Variants in LRBA observed in about 807,000 individuals in gnomAD.
LRBA encodes LPS responsive beige-like anchor protein, also known as lipopolysaccharide-responsive and beige-like anchor protein.
LRBA carries 176 observed loss-of-function variants against 330.0 expected under a neutral mutation model. The observed-to-expected ratio is 0.53, with a 90% CI of 0.47 to 0.60. The LOEUF (loss-of-function observed/expected upper bound fraction) is 0.60. Ranked by LOEUF, LRBA falls within the 20% of genes least tolerant of loss-of-function variation. The pLI, the probability that LRBA is intolerant of heterozygous loss-of-function variation, is 0.00. For missense variants in LRBA, 3,259 were observed against 3,444.8 expected (o/e 0.95, Z 1.35); for synonymous variants, 1,230 against 1,193.0 (o/e 1.03, Z -0.64).
chr4:150,285,885 G>C, intron 54 of LRBA, 48 bp downstream of exon 54: 1 of 1,240,656 alleles, frequency 8.1e-7, no homozygotes, highest in South Asian at 1.7e-5. Flanking sequence ...TTTGTTTCTA[G>C]AAGACAGCAA....
At chr4:150,810,154 T>G (rs749235330) in intron 31 of LRBA, among the ~76,000 whole-genome samples, 1 of 152,130 alleles carries the variant, frequency 6.6e-6, no homozygotes, top group Non-Finnish European at 1.5e-5. Flanking sequence ...TGCTTGGTTT[T>G]TAGGCAGTAC....
chr4:150,586,422 C>T (rs1772117299), intron 40 of LRBA, among the ~76,000 whole-genome samples: 1 of 152,134 alleles, frequency 6.6e-6, no homozygotes, highest in African/African-American at 2.4e-5. Flanking sequence ...AGGAAAAACA[C>T]TGCAGGAACA....
intron 47 of LRBA, among the ~76,000 whole-genome samples, chr4:150,379,991 C>T (rs1026948069): frequency 7.5e-6 from 1 of 133,578 alleles, no homozygotes; most frequent in African/African-American, 2.8e-5. Context: ...GGAGAAACCC[C>T]ATTTCTACTA....
At chr4:150,753,936 G>A (rs530557127) in intron 35 of LRBA, among the ~76,000 whole-genome samples, 58 of 151,858 alleles carry the variant, frequency 3.8e-4, no homozygotes, top group African/African-American at 1.3e-3. Flanking sequence ...GTGTGGTGGC[G>A]AGCACCTGTA....
chr4:150,963,921 T>A (rs1279564663), intron 2 of LRBA, among the ~76,000 whole-genome samples: 1 of 145,164 alleles, frequency 6.9e-6, no homozygotes, highest in African/African-American at 2.8e-5. Flanking sequence ...CCGCCCCGTC[T>A]GGGATGTGAA....
chr4:150,413,712 G>A (rs1164184294), intron 47 of LRBA, among the ~76,000 whole-genome samples: 1 of 152,094 alleles, frequency 6.6e-6, no homozygotes, highest in Admixed American at 6.5e-5. Context: ...TTACATAACT[G>A]TATACACTTA....
chr4:150,698,064 T>C (rs1784796544), intron 36 of LRBA, among the ~76,000 whole-genome samples: 1 of 152,164 alleles, frequency 6.6e-6, no homozygotes, highest in Non-Finnish European at 1.5e-5. Context: ...AATACTTGCT[T>C]TGCAAAATAA....
intron 40 of LRBA, among the ~76,000 whole-genome samples, chr4:150,529,908 T>C (rs1388512140): frequency 6.6e-6 from 1 of 151,836 alleles, no homozygotes; most frequent in Admixed American, 6.5e-5. Flanking sequence ...TTGATCTTCT[T>C]CTATCTATTT....
Position 150,852,457 on chromosome 4 carries a change from G to C in LRBA, c.3253C>G (p.Pro1085Ala). 1.9e-6 allele frequency: 3 copies of C among 1,613,512 alleles called. No homozygotes were observed. The highest frequency in any genetic ancestry group is 2.5e-6 in the Non-Finnish European group (3 of 1,179,980). ...VSEVTASISS[P>A]SEEDASEMPE... is the part of the protein sequence containing the mutation. ...ATCTCTGAGGCATCCTCTTCTGAAG[G>C]AGAACTTATAGAAGCAGTTACTTCA... Residue 1085 changes from proline to alanine, a missense_variant, in exon 23 of 57, where the codon CCT (proline) becomes GCT (alanine). Coordinates refer to ENST00000651943, the MANE Select transcript of LRBA (RefSeq NM_001364905.1).
intron 2 of LRBA, among the ~76,000 whole-genome samples, chr4:150,982,650 T>A (rs1740981525): frequency 6.6e-6 from 1 of 150,964 alleles, no homozygotes; most frequent in South Asian, 2.1e-4. Flanking sequence ...GTTTCTCTTG[T>A]AATTTGCATT....
chr4:150,944,574 A>G (rs1375277118), intron 2 of LRBA, among the ~76,000 whole-genome samples: 1 of 150,554 alleles, frequency 6.6e-6, no homozygotes, highest in Admixed American at 6.6e-5. Flanking sequence ...TATAAATGAG[A>G]AAAAAAAAAT....
chr4:150,311,688 G>A (rs1731089438), intron 51 of LRBA, among the ~76,000 whole-genome samples: 1 of 152,168 alleles, frequency 6.6e-6, no homozygotes, highest in Non-Finnish European at 1.5e-5. Context: ...TTTGATAATG[G>A]AGGCTTCATA....
intron 40 of LRBA, chr4:150,584,327 A>C: frequency 2.2e-6 from 1 of 449,626 alleles, no homozygotes; most frequent in Non-Finnish European, 3.9e-6. Context: ...TTTTCTTCCA[A>C]ACAATGTGAA....
rs368352453 is a variant in LRBA at position 150,992,181 on chromosome 4, T to C, written c.216+22246A>G. 1.7e-4 allele frequency among the ~76,000 whole-genome samples: 26 copies of C among 151,942 alleles called. No homozygotes were observed. The East Asian group carries it at 1.9e-3, about 11-fold the overall frequency. ...AAATACAAAAATTAGCTGGACACAG[T>C]AGCGTGCGCCTGTAGGCCCAGCTAC... is the stretch of plus-strand genomic sequence containing the variant. On this transcript the variant is annotated intron_variant, in intron 2 of 56. Transcript: ENST00000651943.
At position 150,310,362 on chromosome 4, in the gene LRBA, C is replaced by T. The variant is rs2126879597; in HGVS notation, c.7716G>A (p.Arg2572=). Residue 2572 remains arginine (R), a synonymous_variant, in exon 52 of 57, where the codon AGG becomes AGA. Transcript: ENST00000651943. The part of the protein sequence containing the change: ...PLIASNTGMH[R]RQITDLLDQS... ...GGTCTAAAAGGTCAGTGATTTGCCTCCTGTGCATTCCTGTATTGCTGGCTG... is the reference window on the plus strand; with the variant it reads ...GGTCTAAAAGGTCAGTGATTTGCCTTCTGTGCATTCCTGTATTGCTGGCTG... 6.2e-7 allele frequency: 1 copy of T among 1,613,194 alleles called. No individual in the cohort carries two copies. The highest frequency in any genetic ancestry group is 1.3e-5 in the African/African-American group (1 of 74,982).
intron 33 of LRBA, among the ~76,000 whole-genome samples, chr4:150,799,125 T>TTTTA (rs1213337566): frequency 6.6e-6 from 1 of 152,216 alleles, no homozygotes; most frequent in Non-Finnish European, 1.5e-5. Context: ...TGTTGGCATT[T>TTTTA]TTTAGCTTTA....
chr4:150,569,583 T>G (rs982348857), intron 40 of LRBA, among the ~76,000 whole-genome samples: 2 of 152,164 alleles, frequency 1.3e-5, no homozygotes, highest in African/African-American at 4.8e-5. Flanking sequence ...CAGCAGAGAC[T>G]GCAGTTTTAT....
intron 17 of LRBA, among the ~76,000 whole-genome samples, chr4:150,874,545 G>C (rs1010947284): frequency 2.0e-5 from 3 of 152,208 alleles, no homozygotes; most frequent in Non-Finnish European, 4.4e-5. Flanking sequence ...TGCTACAGCT[G>C]CAATATCTCC....
At chr4:150,688,273 C>G (rs1314253385) in intron 36 of LRBA, among the ~76,000 whole-genome samples, 3 of 152,056 alleles carry the variant, frequency 2.0e-5, no homozygotes, top group Non-Finnish European at 4.4e-5. Context: ...GAAACTGGAC[C>G]CCTTCCTTAC....
Sources: allele counts gnomAD v4.1 joint callset (sites outside exome capture counted in the v4.1 genomes callset), GRCh38; gene constraint gnomAD v4.1.1; transcripts MANE v1.5; gene names NCBI Gene and HGNC (gene_info 2026-07-23, HGNC 2026-07-21).